The following CCDC93 variants were observed in gnomAD, a reference collection of about 807,000 sequenced individuals.
The protein encoded by CCDC93 is coiled-coil domain-containing protein 93.
CCDC93 carries 61 observed loss-of-function variants against 108.2 expected under a neutral mutation model. The observed-to-expected ratio is 0.56, with a 90% CI of 0.46 to 0.70. CCDC93 has a LOEUF of 0.70. CCDC93 is among the 30% of genes least tolerant of loss of function. CCDC93 has a pLI of 0.00. For missense variants in CCDC93, 685 were observed against 764.2 expected, an observed-to-expected ratio of 0.90 and a Z score of 1.22; for synonymous variants, 276 against 260.4, an observed-to-expected ratio of 1.06 and a Z score of -0.58.
At chr2:118,006,840 T>C (rs1182783269) in intron 2 of CCDC93, 24 bp from the exon 3 acceptor site, 1 of 1,466,990 alleles carries the variant, frequency 6.8e-7, no homozygotes, top group Admixed American at 1.7e-5. Flanking sequence ...AGAAAATATT[T>C]GTTTTCTCTT....
intron 15 of CCDC93, among the ~76,000 whole-genome samples, chr2:117,947,874 T>C (rs1001549882): frequency 2.0e-5 from 3 of 152,238 alleles, no homozygotes; most frequent in Admixed American, 2.0e-4. Context: ...TTTTGTATTT[T>C]TAGTAGAGAC....
chr2:117,974,125 G>T, intron 10 of CCDC93, 131 bp from the exon 11 acceptor site: 1 of 712,264 alleles, frequency 1.4e-6, no homozygotes, highest in South Asian at 1.6e-5. Context: ...AAATAATTTG[G>T]CTTTGCCACA....
At chr2:117,929,268 A>G (rs1678240488) in intron 23 of CCDC93, among the ~76,000 whole-genome samples, 1 of 152,236 alleles carries the variant, frequency 6.6e-6, no homozygotes, top group African/African-American at 2.4e-5. Flanking sequence ...AATAAAAAAA[A>G]GAAATATGCA....
chr2:117,917,274 G>A lies in CCDC93; in HGVS notation c.*3069C>T, dbSNP rs759241311. The stretch of plus-strand genomic sequence containing the variant: ...GCTTCGGTCACTAGAGACGTACTGG[G>A]GCCTGACAACATCAACAACGTCACA... On this transcript the variant is annotated 3_prime_UTR_variant, in exon 24 of 24. Coordinates refer to ENST00000376300, the MANE Select transcript of CCDC93 (RefSeq NM_019044.5). The A allele has an allele frequency of 3.3e-5, 5 of 152,600 alleles. No individual in the cohort carries two copies. The highest frequency in any genetic ancestry group is 7.3e-5 in the Non-Finnish European group (5 of 68,074). The allele number at this position is 152,600 out of a possible 1,614,324, so 9.5% of individuals were successfully genotyped here. A position where few individuals can be genotyped will look rare whatever the true frequency, so the allele number is the denominator to read the frequency against.
chr2:117,957,959 G>T (rs1239290262), intron 12 of CCDC93, among the ~76,000 whole-genome samples: 8 of 152,116 alleles, frequency 5.3e-5, no homozygotes, highest in Admixed American at 3.3e-4. Flanking sequence ...TGACAGGAAG[G>T]ATCATAACTT....
chr2:117,964,241 C>T (rs1043833701), intron 11 of CCDC93, among the ~76,000 whole-genome samples: 1 of 152,160 alleles, frequency 6.6e-6, no homozygotes, highest in Non-Finnish European at 1.5e-5. Flanking sequence ...AAGACAAAGA[C>T]TGTACCTCTG....
chr2:117,920,196 CAA>C lies in CCDC93; in HGVS notation c.*145_*146del. 3 of 551,104 alleles carry C rather than the reference CAA, an allele frequency of 5.4e-6. No homozygotes were observed. The South Asian group carries it at 7.8e-5, about 14-fold the overall frequency. The allele number at this position is 551,104 out of a possible 1,614,324, so 34.1% of individuals were successfully genotyped here. A position where few individuals can be genotyped will look rare whatever the true frequency, so the allele number is the denominator to read the frequency against. On this transcript the variant is annotated 3_prime_UTR_variant, in exon 24 of 24. Coordinates refer to ENST00000376300, the MANE Select transcript of CCDC93 (RefSeq NM_019044.5). ...AGCAGCCAACAGAGATGAATGGAAG[CAA>C]AGAGGAGAAAGAAAACATCCAGGTT...
intron 11 of CCDC93, among the ~76,000 whole-genome samples, chr2:117,961,062 T>A (rs1388269249): frequency 5.3e-5 from 8 of 152,152 alleles, no homozygotes; most frequent in Non-Finnish European, 1.2e-4. Context: ...TACTTTAATC[T>A]AAGGAGCCTG....
chr2:117,989,008 G>T (rs78360930), intron 6 of CCDC93, among the ~76,000 whole-genome samples: 14,176 of 152,224 alleles, frequency 0.093, 677 homozygotes, highest in South Asian at 0.15. Flanking sequence ...GCTAAAGATG[G>T]CTCCTGGGTT....
chr2:117,999,479 C>T (rs1035272484), intron 4 of CCDC93: 8 of 152,188 alleles, frequency 5.3e-5, no homozygotes, highest in African/African-American at 1.9e-4. Context: ...CTTCAAAGAA[C>T]TCTAATAGAG....
intron 23 of CCDC93, among the ~76,000 whole-genome samples, chr2:117,929,310 A>T (rs1021193258): frequency 5.9e-5 from 9 of 152,144 alleles, no homozygotes; most frequent in Non-Finnish European, 1.3e-4. Flanking sequence ...CCCTCTTCTG[A>T]CTTGCTTTGG....
chr2:117,939,369 C>A (rs1212812165), intron 19 of CCDC93, among the ~76,000 whole-genome samples: 1 of 152,158 alleles, frequency 6.6e-6, no homozygotes, highest in African/African-American at 2.4e-5. Flanking sequence ...CATAAATGAA[C>A]CAGCCACCCT....
At chr2:117,949,476 T>C (rs1251923621) in intron 13 of CCDC93, 81 bp from the exon 14 acceptor site, 15 of 988,412 alleles carry the variant, frequency 1.5e-5, no homozygotes, top group Non-Finnish European at 2.2e-5. Flanking sequence ...GTGAGGCAGA[T>C]AATGACACTT....
At chr2:118,002,338 T>A (rs1189659552) in intron 3 of CCDC93, among the ~76,000 whole-genome samples, 1 of 152,172 alleles carries the variant, frequency 6.6e-6, no homozygotes, top group East Asian at 1.9e-4. Context: ...GTTATTACTG[T>A]CTTATCTATG....
chr2:117,933,329 CTT>C lies in CCDC93; in HGVS notation c.1728+2164_1728+2165del, dbSNP rs201131085. On this transcript the variant is annotated intron_variant, in intron 22 of 23. Transcript: ENST00000376300. ...TCACTATGAGAAGCAGGAGTTGACTCTTTGATTTAAGCTTCATTTTCACACTC... is the reference window on the plus strand; with the variant it reads ...TCACTATGAGAAGCAGGAGTTGACTCTGATTTAAGCTTCATTTTCACACTC... Among the ~76,000 whole-genome samples, 61 of 109,168 alleles carry C rather than the reference CTT, an allele frequency of 5.6e-4. No homozygotes were observed. In the East Asian group the frequency reaches 0.016, roughly 29 times the overall value. 71.6% of individuals were successfully genotyped at this position (109,168 alleles called of 152,430 possible).
chr2:117,971,819 AT>A (rs751388778), intron 11 of CCDC93, among the ~76,000 whole-genome samples: 2 of 152,262 alleles, frequency 1.3e-5, no homozygotes, highest in African/African-American at 2.4e-5. Flanking sequence ...GCAAAATAAT[AT>A]GCAAATGTGA....
intron 1 of CCDC93, 139 bp from the exon 2 acceptor site, chr2:118,008,797 T>G (rs1363846094): frequency 6.5e-6 from 4 of 616,650 alleles, no homozygotes; most frequent in Non-Finnish European, 1.2e-5. Context: ...CTCTGAAAAT[T>G]CAGCAAGTGT....
At chr2:118,001,364 G>C (rs571865211) in intron 3 of CCDC93, among the ~76,000 whole-genome samples, 7 of 152,060 alleles carry the variant, frequency 4.6e-5, no homozygotes, top group Non-Finnish European at 1.0e-4. Flanking sequence ...ATAATTACCA[G>C]ACCTTACACC....
In CCDC93 at chr2:117,931,106, C is replaced by A; in HGVS notation, c.1773G>T (p.Leu591Phe). 1.2e-6 allele frequency: 2 copies of A among 1,613,944 alleles called. No homozygotes were observed. The highest frequency in any genetic ancestry group is 4.5e-5 in the East Asian group (2 of 44,872). Reference protein sequence around the residue: ...KQENKMRRDQLNDQYLELLEK... With the variant: ...KQENKMRRDQFNDQYLELLEK... ...CTAACAGCTCCAAGTACTGGTCGTT[C>A]AACTGGTCTCTTCTCATTTTGTTCT... Residue 591 changes from leucine to phenylalanine, a missense_variant, in exon 23 of 24, where the codon TTG (leucine) becomes TTT (phenylalanine). Coordinates refer to ENST00000376300, the MANE Select transcript of CCDC93 (RefSeq NM_019044.5).
Sources: gnomAD v4.1 joint callset for allele counts (sites outside exome capture counted in the v4.1 genomes callset) on GRCh38, gnomAD v4.1.1 for gene constraint, MANE v1.5 for transcripts, NCBI Gene and HGNC (gene_info 2026-07-23, HGNC 2026-07-21) for gene names.